The following G3BP1 variants were observed in gnomAD, a reference collection of about 807,000 sequenced individuals.
G3BP1 encodes the protein ras GTPase-activating protein-binding protein 1.
In G3BP1, 35 loss-of-function variants were observed where a neutral mutation model predicts 58.6. That is an observed-to-expected ratio of 0.60 (90% confidence interval 0.46 to 0.79). The LOEUF (loss-of-function observed/expected upper bound fraction) is 0.79. Ranked by LOEUF, G3BP1 falls within the 30% of genes least tolerant of loss-of-function variation. The pLI is 0.00. For synonymous variants in G3BP1, 191 were observed against 195.4 expected (o/e 0.98, Z 0.19); for missense variants, 523 against 580.8 (o/e 0.90, Z 1.02).
At chr5:151,791,832 T>C (rs760630387) in intron 4 of G3BP1, 1 of 294,378 alleles carries the variant, frequency 3.4e-6, no homozygotes, top group Admixed American at 4.8e-5. Flanking sequence ...GATTTTAGTA[T>C]TTTTAGTAGT....
intron 2 of G3BP1, chr5:151,787,003 C>T (rs951049389): frequency 1.4e-4 from 29 of 205,218 alleles, no homozygotes; most frequent in Admixed American, 1.2e-3. Flanking sequence ...CAACCATGCC[C>T]GGCTAATTTT....
At chr5:151,786,370 A>C (rs1348905837) in intron 1 of G3BP1, among the ~76,000 whole-genome samples, 2 of 152,222 alleles carry the variant, frequency 1.3e-5, no homozygotes, top group East Asian at 3.8e-4. Flanking sequence ...ATTGGGGATA[A>C]TGATGAATTC....
chr5:151,810,616 G>A lies in G3BP1; in HGVS notation c.*6525G>A, dbSNP rs1406704327. The A allele has an allele frequency of 6.6e-6, 1 of 152,182 alleles. No homozygotes were observed. The highest frequency in any genetic ancestry group is 2.4e-5 in the African/African-American group (1 of 41,434). 9.4% of individuals were successfully genotyped at this position (152,182 alleles called of 1,614,324 possible). A position where few individuals can be genotyped will look rare whatever the true frequency, so the allele number is the denominator to read the frequency against. Reference sequence around the variant, plus strand: ...GTTTTACTACTTTACTAGACTGTAAGCTCCTAGAAGATAAGGACTAGGGAG... The same window carrying A: ...GTTTTACTACTTTACTAGACTGTAAACTCCTAGAAGATAAGGACTAGGGAG... On this transcript the variant is annotated 3_prime_UTR_variant, in exon 12 of 12. Transcript: ENST00000356245.
rs548710951 is a variant in G3BP1 at position 151,808,521 on chromosome 5, T to C, written c.*4430T>C. 2 of 152,368 alleles carry C rather than the reference T, an allele frequency of 1.3e-5. No individual in the cohort carries two copies. Among genetic ancestry groups the C allele is most frequent in the African/African-American group, 4.8e-5 (2 of 41,588 alleles). The allele number at this position is 152,368 out of a possible 1,614,324, so 9.4% of individuals were successfully genotyped here. Reference sequence around the variant, plus strand: ...CATTGGATTCGTCTTCTCTCCACAGTTTCTACTTGAACCTAGTAGCTTATT... The same window carrying C: ...CATTGGATTCGTCTTCTCTCCACAGCTTCTACTTGAACCTAGTAGCTTATT... On this transcript the variant is annotated 3_prime_UTR_variant, in exon 12 of 12. Transcript: ENST00000356245.
At chr5:151,794,655 A>C (rs766975090) in intron 5 of G3BP1, among the ~76,000 whole-genome samples, 1 of 152,206 alleles carries the variant, frequency 6.6e-6, no homozygotes, top group Non-Finnish European at 1.5e-5. Context: ...TTTGTGCTGG[A>C]GGGAGATACT....
chr5:151,794,271 A>T, intron 5 of G3BP1, 22 bp downstream of exon 5: 6 of 1,426,340 alleles, frequency 4.2e-6, no homozygotes, highest in Non-Finnish European at 5.9e-6. Flanking sequence ...AATACTTTAA[A>T]TTACTTGTCT....
chr5:151,802,654 C>G (rs2113252746), intron 11 of G3BP1, among the ~76,000 whole-genome samples: 1 of 152,364 alleles, frequency 6.6e-6, no homozygotes, highest in Admixed American at 6.5e-5. Flanking sequence ...TTGAATAGAG[C>G]TGGGCACAGT....
At chr5:151,780,912 T>C (rs1160236906) in intron 1 of G3BP1, among the ~76,000 whole-genome samples, 1 of 152,202 alleles carries the variant, frequency 6.6e-6, no homozygotes, top group Non-Finnish European at 1.5e-5. Flanking sequence ...ATCTGGAAAC[T>C]TGGGATCAAG....
intron 1 of G3BP1, among the ~76,000 whole-genome samples, chr5:151,772,986 G>A (rs1050048562): frequency 6.6e-5 from 10 of 152,230 alleles, no homozygotes; most frequent in Non-Finnish European, 1.3e-4. Context: ...ACGTGTACTT[G>A]TACAGGCCCT....
chr5:151,788,793 T>C (rs1762597920), intron 2 of G3BP1, among the ~76,000 whole-genome samples: 2 of 151,458 alleles, frequency 1.3e-5, no homozygotes. Flanking sequence ...TTTTTTTTTC[T>C]GGAGACAGAG....
chr5:151,789,073 C>G (rs1338318816), intron 2 of G3BP1, among the ~76,000 whole-genome samples: 2 of 152,126 alleles, frequency 1.3e-5, no homozygotes, highest in East Asian at 1.9e-4. Context: ...CCGTGCCCAG[C>G]CTTTTTTTGT....
Position 151,806,537 on chromosome 5 carries a change from A to G in G3BP1, c.*2446A>G, listed in dbSNP as rs1199869862. On this transcript the variant is annotated 3_prime_UTR_variant, in exon 12 of 12. Transcript: ENST00000356245. ...GGACCTAAGAAATAGGATTAGCATCATGATCAGAACTGTTGAGAATCCTTG... is the reference window on the plus strand; with the variant it reads ...GGACCTAAGAAATAGGATTAGCATCGTGATCAGAACTGTTGAGAATCCTTG... 1 of 152,220 alleles carries G rather than the reference A, an allele frequency of 6.6e-6. No homozygotes were observed. Among genetic ancestry groups the G allele is most frequent in the African/African-American group, 2.4e-5 (1 of 41,460 alleles). 9.4% of individuals were successfully genotyped at this position (152,220 alleles called of 1,614,324 possible). A position where few individuals can be genotyped will look rare whatever the true frequency, so the allele number is the denominator to read the frequency against.
intron 1 of G3BP1, among the ~76,000 whole-genome samples, chr5:151,781,963 G>C (rs560693221): frequency 1.3e-5 from 2 of 151,812 alleles, no homozygotes; most frequent in East Asian, 3.9e-4. Context: ...CATCCAAAAG[G>C]TAGATACAGT....
intron 11 of G3BP1, among the ~76,000 whole-genome samples, chr5:151,803,177 G>A (rs1762883819): frequency 6.6e-6 from 1 of 152,150 alleles, no homozygotes; most frequent in African/African-American, 2.4e-5. Flanking sequence ...AATTAATGAA[G>A]TTTTTATTTT....
intron 1 of G3BP1, among the ~76,000 whole-genome samples, chr5:151,774,181 A>G (rs775541028): frequency 6.6e-6 from 1 of 152,228 alleles, no homozygotes; most frequent in African/African-American, 2.4e-5. Context: ...TACCGGTACA[A>G]AAGTCTAAGC....
intron 1 of G3BP1, among the ~76,000 whole-genome samples, chr5:151,778,881 C>T (rs931229390): frequency 6.6e-6 from 1 of 151,672 alleles, no homozygotes; most frequent in South Asian, 2.1e-4. Context: ...ACATGGTGAA[C>T]CCTCATCTCT....
intron 5 of G3BP1, among the ~76,000 whole-genome samples, chr5:151,795,048 C>T (rs1020026021): frequency 4.6e-5 from 7 of 152,082 alleles, no homozygotes; most frequent in African/African-American, 1.7e-4. Flanking sequence ...GAGGCCCAGG[C>T]GGGCAGATCA....
chr5:151,791,114 C>T (rs1561534385), intron 4 of G3BP1, 52 bp downstream of exon 4: 12 of 1,410,430 alleles, frequency 8.5e-6, no homozygotes, highest in Admixed American at 1.7e-5. Flanking sequence ...AAAAAAGAAA[C>T]AATGAACTGT....
rs183389724 is a variant in G3BP1, at chr5:151,788,156, C to T, written c.95+1441C>T. Among the ~76,000 whole-genome samples the T allele has an allele frequency of 4.3e-4, 65 of 151,878 alleles. No homozygotes were observed. The East Asian group carries it at 0.011, about 25-fold the overall frequency. On this transcript the variant is annotated intron_variant, in intron 2 of 11. Coordinates refer to ENST00000356245, the MANE Select transcript of G3BP1 (RefSeq NM_005754.3). ...CTCGAACTCCTGGGCTCAAGCAATT[C>T]GCCTGCTTCAGCCTTCCAAAATACT...
Sources: allele counts gnomAD v4.1 joint callset (sites outside exome capture counted in the v4.1 genomes callset), GRCh38; gene constraint gnomAD v4.1.1; transcripts MANE v1.5; gene names NCBI Gene and HGNC (gene_info 2026-07-23, HGNC 2026-07-21).